The following PRKG1 variants were observed in gnomAD, a reference collection of about 807,000 sequenced individuals.
PRKG1 encodes the protein cGMP-dependent protein kinase 1.
Under a neutral mutation model 88.1 loss-of-function variants are expected in PRKG1, and 35 were observed. The ratio of observed to expected loss-of-function variants is 0.40; its 90% CI spans 0.30 to 0.53. The LOEUF is 0.53. PRKG1 is among the 20% of genes least tolerant of loss of function. The pLI is 0.59. For synonymous variants in PRKG1, 303 were observed against 292.5 expected (o/e 1.04, Z -0.37); for missense variants, 540 against 839.8 (o/e 0.64, Z 4.41).
rs545195374 is a variant in PRKG1, at chr10:52,171,786, A to ATTTTTTTTTTTTTTT, written c.1076+9836_1076+9850dup. ...ATAGAAGTATTTTTCTTTTATCAAA[A>ATTTTTTTTTTTTTTT]TTTTTTTTTTTTTTTTTTTTTTTTT... On this transcript the variant is annotated intron_variant, in intron 9 of 17. Coordinates refer to ENST00000373980, the MANE Select transcript of PRKG1 (RefSeq NM_006258.4). Among the ~76,000 whole-genome samples the ATTTTTTTTTTTTTTT allele has an allele frequency of 8.5e-5, 8 of 93,858 alleles. 1 individual carries two copies. The highest frequency in any genetic ancestry group is 3.4e-4 in the African/African-American group (8 of 23,420). The allele number at this position is 93,858 out of a possible 152,430, so 61.6% of individuals were successfully genotyped here.
At chr10:51,424,139 C>G (rs1054012205) in intron 2 of PRKG1, among the ~76,000 whole-genome samples, 1 of 152,078 alleles carries the variant, frequency 6.6e-6, no homozygotes, top group Non-Finnish European at 1.5e-5. Context: ...TCTGCTCCCT[C>G]TTAATTTTAA....
chr10:51,797,154 C>T (rs1381471956), intron 3 of PRKG1, among the ~76,000 whole-genome samples: 3 of 148,016 alleles, frequency 2.0e-5, no homozygotes, highest in Admixed American at 6.9e-5. Context: ...TTGAATTGTG[C>T]CTTAAAAACT....
At chr10:52,250,021 T>C (rs532632843) in intron 9 of PRKG1, among the ~76,000 whole-genome samples, 1 of 152,200 alleles carries the variant, frequency 6.6e-6, no homozygotes, top group East Asian at 1.9e-4. Flanking sequence ...GATGTCTTTT[T>C]TCAGCACCTG....
At chr10:51,134,150 A>G (rs1020131758) in intron 1 of PRKG1, among the ~76,000 whole-genome samples, 1 of 152,204 alleles carries the variant, frequency 6.6e-6, no homozygotes, top group African/African-American at 2.4e-5. Flanking sequence ...TTGCTTCCAA[A>G]TTTAGAGGTC....
intron 9 of PRKG1, among the ~76,000 whole-genome samples, chr10:52,166,839 GTATATATATGTC>G (rs1838479204): frequency 1.1e-5 from 1 of 90,468 alleles, no homozygotes; most frequent in Non-Finnish European, 2.0e-5. Context: ...GTATATATAT[GTATATATATGTC>G]TATATATATA....
chr10:51,650,906 C>T (rs1205889206), intron 3 of PRKG1, among the ~76,000 whole-genome samples: 1 of 152,106 alleles, frequency 6.6e-6, no homozygotes, highest in East Asian at 1.9e-4. Flanking sequence ...TGTGATCTCA[C>T]CAAAAGTATC....
intron 4 of PRKG1, among the ~76,000 whole-genome samples, chr10:51,868,702 C>G (rs2132851809): frequency 6.6e-6 from 1 of 152,210 alleles, no homozygotes; most frequent in African/African-American, 2.4e-5. Flanking sequence ...GAAAAGCTAT[C>G]TATTTCCCTT....
chr10:51,743,727 A>T (rs1271918055), intron 3 of PRKG1, among the ~76,000 whole-genome samples: 3 of 37,378 alleles, frequency 8.0e-5, no homozygotes, highest in African/African-American at 4.1e-4. Flanking sequence ...TATATATATA[A>T]TATAAACTAA....
At chr10:52,073,470 T>G (rs1197139685) in intron 7 of PRKG1, among the ~76,000 whole-genome samples, 1 of 152,190 alleles carries the variant, frequency 6.6e-6, no homozygotes, top group Non-Finnish European at 1.5e-5. Context: ...ATCAGCTACA[T>G]CCTGCTTCAT....
At chr10:51,732,123 A>G (rs906298468) in intron 3 of PRKG1, among the ~76,000 whole-genome samples, 1 of 151,342 alleles carries the variant, frequency 6.6e-6, no homozygotes, top group Non-Finnish European at 1.5e-5. Flanking sequence ...GCAGTGACAC[A>G]ATCTTGGCTC....
intron 3 of PRKG1, among the ~76,000 whole-genome samples, chr10:51,506,828 G>A (rs1201306374): frequency 6.6e-6 from 1 of 152,100 alleles, no homozygotes; most frequent in Admixed American, 6.5e-5. Flanking sequence ...TATAAATCAT[G>A]CTGCTATAAA....
rs150132336 is a variant in PRKG1 at position 51,168,700 on chromosome 10, C to G, written c.478+15370C>G. Among the ~76,000 whole-genome samples, 435 of 152,256 alleles carry G rather than the reference C, an allele frequency of 2.9e-3. 4 individuals carry two copies. Among genetic ancestry groups the G allele is most frequent in the South Asian group, 0.014 (68 of 4,826 alleles). Reference sequence around the variant, plus strand: ...AGTTTAAGGTTCAACATATCAGATACTGATGTTTCTCCTCCACATCACACA... The same window carrying G: ...AGTTTAAGGTTCAACATATCAGATAGTGATGTTTCTCCTCCACATCACACA... On this transcript the variant is annotated intron_variant, in intron 2 of 17. Transcript: ENST00000373980.
At chr10:51,916,946 T>C (rs1382715863) in intron 5 of PRKG1, among the ~76,000 whole-genome samples, 1 of 152,176 alleles carries the variant, frequency 6.6e-6, no homozygotes, top group African/African-American at 2.4e-5. Flanking sequence ...TTCATTTACA[T>C]GAAGTATATA....
At chr10:51,236,309 C>T (rs1257129156) in intron 2 of PRKG1, among the ~76,000 whole-genome samples, 1 of 151,984 alleles carries the variant, frequency 6.6e-6, no homozygotes, top group African/African-American at 2.4e-5. Context: ...AATTCAAATG[C>T]CATTTTATAT....
intron 5 of PRKG1, among the ~76,000 whole-genome samples, chr10:52,037,679 G>A (rs1018779345): frequency 2.0e-5 from 3 of 152,150 alleles, no homozygotes; most frequent in African/African-American, 7.2e-5. Flanking sequence ...TAAATTGCTG[G>A]GCAGGAGGGG....
chr10:51,552,564 T>C (rs1837165486), intron 3 of PRKG1, among the ~76,000 whole-genome samples: 1 of 151,660 alleles, frequency 6.6e-6, no homozygotes, highest in Admixed American at 6.6e-5. Context: ...AATAAGTTTC[T>C]TCTTATTTAA....
At chr10:51,619,001 C>G (rs1839139295) in intron 3 of PRKG1, among the ~76,000 whole-genome samples, 1 of 150,114 alleles carries the variant, frequency 6.7e-6, no homozygotes, top group Non-Finnish European at 1.5e-5. Flanking sequence ...GGTCTCCATC[C>G]CCTGACCTCA....
intron 3 of PRKG1, chr10:51,697,652 C>G: frequency 6.3e-7 from 1 of 1,589,690 alleles, no homozygotes. Context: ...ATTCTCCATG[C>G]TACAGAATAA....
intron 3 of PRKG1, among the ~76,000 whole-genome samples, chr10:51,471,982 T>A (rs1335663529): frequency 6.6e-6 from 1 of 151,892 alleles, no homozygotes; most frequent in Non-Finnish European, 1.5e-5. Flanking sequence ...AAGTATTTAA[T>A]TTTTTTCTTT....
Sources: gnomAD v4.1 joint callset for allele counts (sites outside exome capture counted in the v4.1 genomes callset) on GRCh38, gnomAD v4.1.1 for gene constraint, MANE v1.5 for transcripts, NCBI Gene and HGNC (gene_info 2026-07-23, HGNC 2026-07-21) for gene names.